FGF14: variants seen among roughly 807,000 people sequenced by gnomAD.
FGF14 encodes the protein fibroblast growth factor 14, also known as fibroblast growth factor homologous factor 4.
FGF14 carries 5 observed loss-of-function variants against 25.5 expected under a neutral mutation model. That is an observed-to-expected ratio of 0.20 (90% CI 0.10 to 0.41). FGF14 has a LOEUF of 0.41. FGF14 is among the 10% of genes least tolerant of loss of function. The pLI is 1.00. For synonymous variants in FGF14, 138 were observed against 118.3 expected (o/e 1.17, Z -1.08); for missense variants, 222 against 320.1 (o/e 0.69, Z 2.34).
At chr13:102,315,162 T>C (rs779360182) in intron 1 of FGF14, among the ~76,000 whole-genome samples, 7 of 151,964 alleles carry the variant, frequency 4.6e-5, no homozygotes, top group Non-Finnish European at 1.0e-4. Context: ...CACACACACA[T>C]GCCTTCCCTA....
rs1246597783 is a variant in FGF14, at chr13:101,715,664, G to A, written c.*7167C>T. ...CTCAGAATATCCTTAACAATTACAT[G>A]AGAGAGGTCTGGATTCTTATTTTTT... On this transcript the variant is annotated 3_prime_UTR_variant, in exon 5 of 5. Coordinates refer to ENST00000376143, the MANE Select transcript of FGF14 (RefSeq NM_004115.4). 1.3e-6 allele frequency: 2 copies of A among 1,568,468 alleles called. No homozygotes were observed. Among genetic ancestry groups the A allele is most frequent in the African/African-American group, 1.4e-5 (1 of 73,982 alleles).
chr13:102,288,745 C>T (rs2141251110), intron 1 of FGF14, among the ~76,000 whole-genome samples: 1 of 152,084 alleles, frequency 6.6e-6, no homozygotes, highest in East Asian at 1.9e-4. Flanking sequence ...CCACAATGTA[C>T]AGCTAAGTTT....
chr13:102,207,546 G>A (rs2049979996), intron 1 of FGF14, among the ~76,000 whole-genome samples: 1 of 145,790 alleles, frequency 6.9e-6, no homozygotes, highest in Non-Finnish European at 1.5e-5. Flanking sequence ...AAAAATGCTG[G>A]TCTTGAAAAA....
chr13:101,858,360 A>G (rs1490100022), intron 3 of FGF14, among the ~76,000 whole-genome samples: 2 of 152,006 alleles, frequency 1.3e-5, no homozygotes, highest in Admixed American at 1.3e-4. Context: ...TAGCTATAAT[A>G]GCTATTAATT....
chr13:101,723,517 C>G (rs2035145727), intron 4 of FGF14, among the ~76,000 whole-genome samples: 1 of 152,060 alleles, frequency 6.6e-6, no homozygotes, highest in Non-Finnish European at 1.5e-5. Context: ...TAACAAATAA[C>G]TCTCTTCCCA....
chr13:102,273,971 T>A (rs1594671534), intron 1 of FGF14, among the ~76,000 whole-genome samples: 14 of 133,860 alleles, frequency 1.0e-4, no homozygotes, highest in African/African-American at 1.4e-4. Context: ...AAGAAAGAAG[T>A]CTCAAAAATG....
intron 1 of FGF14, among the ~76,000 whole-genome samples, chr13:101,901,511 CTGGACAACA>C (rs2031546613): frequency 2.0e-5 from 3 of 152,218 alleles, no homozygotes; most frequent in Non-Finnish European, 2.9e-5. Flanking sequence ...CAAGACCAGC[CTGGACAACA>C]TGGTGAAACT....
rs1555326942 is a variant in FGF14, at chr13:101,953,570, G to GTA, written c.209-78276_209-78275dup. ...TGTGTATATATATATGTGTGTGTGT[G>GTA]TATATATATATATATATAATTTTTA... is the stretch of plus-strand genomic sequence containing the variant. On this transcript the variant is annotated intron_variant, in intron 1 of 4. Transcript: ENST00000376131. Among the ~76,000 whole-genome samples, 1,044 of 138,110 alleles carry GTA rather than the reference G, an allele frequency of 7.6e-3. 5 individuals are homozygous for GTA. Among genetic ancestry groups the GTA allele is most frequent in the South Asian group, 0.011 (48 of 4,448 alleles). The allele number at this position is 138,110 out of a possible 152,430, so 90.6% of individuals were successfully genotyped here.
At chr13:102,280,706 A>G (rs900499935) in intron 1 of FGF14, among the ~76,000 whole-genome samples, 1 of 152,152 alleles carries the variant, frequency 6.6e-6, no homozygotes, top group Admixed American at 6.6e-5. Flanking sequence ...TTTATTTTGG[A>G]GTATGCATGA....
intron 3 of FGF14, among the ~76,000 whole-genome samples, chr13:101,758,158 A>C (rs2037780415): frequency 6.6e-6 from 1 of 152,224 alleles, no homozygotes; most frequent in Non-Finnish European, 1.5e-5. Context: ...CCTTGAACTA[A>C]GTGCCTTTTT....
At chr13:101,776,651 C>T (rs778828293) in intron 3 of FGF14, among the ~76,000 whole-genome samples, 4 of 152,200 alleles carry the variant, frequency 2.6e-5, no homozygotes, top group Non-Finnish European at 5.9e-5. Flanking sequence ...GGTTCTTCCA[C>T]AGCACATCTC....
intron 1 of FGF14, among the ~76,000 whole-genome samples, chr13:102,035,678 T>C (rs543409907): frequency 6.6e-6 from 1 of 152,334 alleles, no homozygotes; most frequent in East Asian, 1.9e-4. Context: ...ATTTCTGTAA[T>C]AACATCTTAA....
intron 1 of FGF14, among the ~76,000 whole-genome samples, chr13:101,959,590 G>A (rs960381197): frequency 1.3e-5 from 2 of 152,132 alleles, no homozygotes; most frequent in Admixed American, 6.5e-5. Context: ...CCAACTTGGA[G>A]TTTCTTTCCT....
At chr13:102,168,048 CAT>C (rs1295339453) in intron 1 of FGF14, among the ~76,000 whole-genome samples, 1 of 152,074 alleles carries the variant, frequency 6.6e-6, no homozygotes, top group African/African-American at 2.4e-5. Context: ...CCTAAAACCA[CAT>C]ATTTTTGTTT....
intron 3 of FGF14, among the ~76,000 whole-genome samples, chr13:101,809,227 ATTACT>A (rs1421273347): frequency 6.6e-6 from 1 of 152,162 alleles, no homozygotes; most frequent in Non-Finnish European, 1.5e-5. Flanking sequence ...ACTCAGAAAA[ATTACT>A]TTATGTAGAG....
intron 1 of FGF14, chr13:102,401,320 T>C (rs1291932449): frequency 1.4e-6 from 1 of 736,394 alleles, no homozygotes; most frequent in Non-Finnish European, 2.4e-6. Flanking sequence ...CTGTTACTTG[T>C]TTATTCATGC....
intron 1 of FGF14, among the ~76,000 whole-genome samples, chr13:102,275,363 C>T (rs1333530547): frequency 6.6e-6 from 1 of 150,734 alleles, no homozygotes; most frequent in Non-Finnish European, 1.5e-5. Flanking sequence ...AAAATATTAT[C>T]TAATGAAGAA....
intron 1 of FGF14, among the ~76,000 whole-genome samples, chr13:102,107,853 A>G (rs1476834220): frequency 6.6e-6 from 1 of 152,204 alleles, no homozygotes; most frequent in East Asian, 1.9e-4. Flanking sequence ...GCTTGACTCT[A>G]TCATAGGCGT....
At chr13:102,201,688 G>T (rs1308405373) in intron 1 of FGF14, among the ~76,000 whole-genome samples, 2 of 152,218 alleles carry the variant, frequency 1.3e-5, no homozygotes, top group Non-Finnish European at 2.9e-5. Context: ...GAAGATAGCA[G>T]AGGGAAATGT....
Sources: gnomAD v4.1 joint callset for allele counts (sites outside exome capture counted in the v4.1 genomes callset) on GRCh38, gnomAD v4.1.1 for gene constraint, MANE v1.5 for transcripts, NCBI Gene and HGNC (gene_info 2026-07-23, HGNC 2026-07-21) for gene names.